The following YIPF4 variants were observed in gnomAD, a reference collection of about 807,000 sequenced individuals.
The protein encoded by YIPF4 is Yip1 domain family member 4, also known as protein YIPF4.
Under a neutral mutation model 29.4 loss-of-function variants are expected in YIPF4, and 18 were observed. The ratio of observed to expected loss-of-function variants is 0.61; its 90% CI spans 0.42 to 0.91. The LOEUF is 0.91. YIPF4 is among the 40% of genes least tolerant of loss of function. The probability of loss-of-function intolerance (pLI) is 0.00; values close to 1 mark genes in which losing one functional copy is unlikely to be tolerated. For missense variants in YIPF4, 279 were observed against 282.7 expected, an observed-to-expected ratio of 0.99 and a Z score of 0.09; for synonymous variants, 115 against 104.7, an observed-to-expected ratio of 1.10 and a Z score of -0.60.
chr2:32,285,909 T>C (rs1271059898), intron 1 of YIPF4, among the ~76,000 whole-genome samples: 2 of 152,114 alleles, frequency 1.3e-5, no homozygotes, highest in African/African-American at 2.4e-5. Flanking sequence ...AAAAATAATA[T>C]CCATATAGGT....
Position 32,292,233 on chromosome 2 carries a change from T to C in YIPF4, c.290T>C (p.Met97Thr). The C allele has an allele frequency of 1.9e-6, 3 of 1,603,156 alleles. No homozygotes were observed. Among genetic ancestry groups the C allele is most frequent in the African/African-American group, 1.3e-5 (1 of 74,822 alleles). The part of the protein sequence containing the change: ...DIYYKIRCVL[M>T]PMPSLGFNRQ... ...TACTACAAAATCCGATGTGTTTTGATGCCAATGCCATCACTTGGTTTTAAT... is the reference window on the plus strand; with the variant it reads ...TACTACAAAATCCGATGTGTTTTGACGCCAATGCCATCACTTGGTTTTAAT... Residue 97 changes from methionine (M) to threonine (T), a missense_variant, in exon 3 of 6, where the codon ATG becomes ACG. Met to Thr is a moderately conservative substitution (Grantham distance 81, BLOSUM62 -1). Coordinates refer to ENST00000238831, the MANE Select transcript of YIPF4 (RefSeq NM_032312.4).
At chr2:32,300,740 G>A (rs1020363232) in intron 4 of YIPF4, among the ~76,000 whole-genome samples, 2 of 152,132 alleles carry the variant, frequency 1.3e-5, no homozygotes, top group African/African-American at 4.8e-5. Flanking sequence ...GAGTTTAGGG[G>A]CCTACATTTT....
In YIPF4 at chr2:32,316,301, G is replaced by A. The variant is rs1196120948; in HGVS notation, c.*10675G>A. ...TTTATAAATCAATAAAATGGGCTAG[G>A]GATATAAATCAGCAATTCAAGGGGA... is the stretch of plus-strand genomic sequence containing the variant. On this transcript the variant is annotated 3_prime_UTR_variant, in exon 6 of 6. Transcript: ENST00000238831. The A allele has an allele frequency of 6.6e-6, 1 of 152,024 alleles. No homozygotes were observed. The highest frequency in any genetic ancestry group is 1.5e-5 in the Non-Finnish European group (1 of 68,008). 9.4% of individuals were successfully genotyped at this position (152,024 alleles called of 1,614,324 possible). A position where few individuals can be genotyped will look rare whatever the true frequency, so the allele number is the denominator to read the frequency against.
At position 32,300,847 on chromosome 2, in the gene YIPF4, A is replaced by G. The variant is rs931006392; in HGVS notation, c.484-535A>G. On this transcript the variant is annotated intron_variant, in intron 4 of 5. Transcript: ENST00000238831. ...CTTCACAATAGGGACAATAATGCCT[A>G]TATTTCATAGGATTGTTATTTCATT... Among the ~76,000 whole-genome samples the G allele has an allele frequency of 3.9e-5, 6 of 152,206 alleles. No homozygotes were observed. The East Asian group carries it at 7.7e-4, about 20-fold the overall frequency.
At chr2:32,283,035 C>T (rs1395078605) in intron 1 of YIPF4, among the ~76,000 whole-genome samples, 6 of 151,006 alleles carry the variant, frequency 4.0e-5, no homozygotes, top group Admixed American at 6.6e-5. Context: ...CAAGATCGCG[C>T]CACTGCACTC....
rs1256889221 is a variant in YIPF4 at position 32,289,063 on chromosome 2, TATAAG to T, written c.80-1418_80-1414del. On this transcript the variant is annotated intron_variant, in intron 1 of 5. Coordinates refer to ENST00000238831, the MANE Select transcript of YIPF4 (RefSeq NM_032312.4). Reference sequence around the variant, plus strand: ...CTTAGACAAAGAAGTAGCAAGCACTTATAAGAGAGTATTTTCACTATGCAATTATA... The same window carrying T: ...CTTAGACAAAGAAGTAGCAAGCACTTAGAGTATTTTCACTATGCAATTATA... 3.3e-5 allele frequency among the ~76,000 whole-genome samples: 5 copies of T among 152,324 alleles called. No homozygotes were observed. The East Asian group carries it at 5.8e-4, about 18-fold the overall frequency.
intron 5 of YIPF4, 119 bp from the exon 6 acceptor site, chr2:32,305,370 A>T (rs2031541166): frequency 8.4e-7 from 1 of 1,185,330 alleles, no homozygotes; most frequent in African/African-American, 1.6e-5. Context: ...TTTACTATTT[A>T]CCAAAATTGG....
intron 1 of YIPF4, among the ~76,000 whole-genome samples, chr2:32,289,009 A>G (rs1485570868): frequency 1.3e-5 from 2 of 152,286 alleles, no homozygotes; most frequent in East Asian, 3.9e-4. Context: ...TTAGAAATAG[A>G]CTTTTAAATT....
intron 3 of YIPF4, among the ~76,000 whole-genome samples, chr2:32,293,123 G>C (rs1402815866): frequency 6.0e-5 from 9 of 150,850 alleles, no homozygotes; most frequent in African/African-American, 2.2e-4. Context: ...TTCTCGCAGA[G>C]GGGGATTTGG....
In YIPF4 at chr2:32,314,265, G is replaced by A. The variant is rs542904730; in HGVS notation, c.*8639G>A. ...GAATTTCACAAGTATTATGTTGAGT[G>A]AAAAAGACAAAGAATTTGTACTGTA... On this transcript the variant is annotated 3_prime_UTR_variant, in exon 6 of 6. Coordinates refer to ENST00000238831, the MANE Select transcript of YIPF4 (RefSeq NM_032312.4). 1 of 152,340 alleles carries A rather than the reference G, an allele frequency of 6.6e-6. No individual in the cohort carries two copies. Among genetic ancestry groups the A allele is most frequent in the East Asian group, 1.9e-4 (1 of 5,194 alleles). 9.4% of individuals were successfully genotyped at this position (152,340 alleles called of 1,614,324 possible).
chr2:32,290,048 A>G (rs2030844456), intron 1 of YIPF4, among the ~76,000 whole-genome samples: 1 of 152,224 alleles, frequency 6.6e-6, no homozygotes, highest in African/African-American at 2.4e-5. Flanking sequence ...TAGTAAATAA[A>G]TTGTCTAATA....
intron 3 of YIPF4, among the ~76,000 whole-genome samples, chr2:32,293,196 T>C (rs1379924984): frequency 1.3e-5 from 2 of 151,992 alleles, no homozygotes; most frequent in East Asian, 3.9e-4. Context: ...AAGAAACAAG[T>C]GAACAAAGGT....
chr2:32,283,761 G>T (rs1464301509), intron 1 of YIPF4, among the ~76,000 whole-genome samples: 2 of 149,708 alleles, frequency 1.3e-5, no homozygotes, highest in South Asian at 2.1e-4. Flanking sequence ...TGTGTTGCCC[G>T]GGCTGGAGTG....
At chr2:32,291,635 TGCGTAAGACG>T (rs2030921807) in intron 2 of YIPF4, among the ~76,000 whole-genome samples, 2 of 152,158 alleles carry the variant, frequency 1.3e-5, no homozygotes, top group South Asian at 4.1e-4. Flanking sequence ...AACAGAAAAG[TGCGTAAGACG>T]GCATAAAGCT....
intron 1 of YIPF4, among the ~76,000 whole-genome samples, chr2:32,285,135 G>C (rs967647650): frequency 6.6e-6 from 1 of 152,176 alleles, no homozygotes; most frequent in African/African-American, 2.4e-5. Flanking sequence ...GAAATGGTAA[G>C]TGGACAGACA....
chr2:32,304,031 A>T (rs1456852410), intron 5 of YIPF4, among the ~76,000 whole-genome samples: 1 of 152,216 alleles, frequency 6.6e-6, no homozygotes, highest in Non-Finnish European at 1.5e-5. Flanking sequence ...TATACAACAT[A>T]TAAATGTATT....
intron 5 of YIPF4, among the ~76,000 whole-genome samples, chr2:32,303,165 A>AG (rs2031463582): frequency 1.3e-5 from 2 of 152,014 alleles, no homozygotes; most frequent in African/African-American, 4.8e-5. Flanking sequence ...AGGAGTTTGA[A>AG]ATCAATCAGC....
chr2:32,301,567 G>T, intron 5 of YIPF4, 72 bp downstream of exon 5: 1 of 1,003,754 alleles, frequency 1.0e-6, no homozygotes, highest in Non-Finnish European at 1.5e-6. Context: ...CTCTAGCTAG[G>T]AATATTGTGA....
intron 3 of YIPF4, among the ~76,000 whole-genome samples, chr2:32,297,362 C>T (rs969144589): frequency 2.0e-5 from 3 of 152,128 alleles, no homozygotes; most frequent in African/African-American, 7.2e-5. Flanking sequence ...CTCAGGTTAT[C>T]TGCCTGCCTC....
Sources: allele counts gnomAD v4.1 joint callset (sites outside exome capture counted in the v4.1 genomes callset), GRCh38; gene constraint gnomAD v4.1.1; transcripts MANE v1.5; gene names NCBI Gene and HGNC (gene_info 2026-07-23, HGNC 2026-07-21).